CABP5: variants seen among roughly 807,000 people sequenced by gnomAD.
The protein encoded by CABP5 is calcium binding protein 5, also known as calcium-binding protein 5.
Under a neutral mutation model 21.9 loss-of-function variants are expected in CABP5, and 17 were observed. The ratio of observed to expected loss-of-function variants is 0.78; its 90% CI spans 0.53 to 1.17. The LOEUF (loss-of-function observed/expected upper bound fraction) is 1.17, where lower values mean the gene tolerates loss of function less well. Ranked by LOEUF, CABP5 falls within the 50% of genes most tolerant of loss-of-function variation. The probability of loss-of-function intolerance (pLI) is 0.00; values close to 1 mark genes in which losing one functional copy is unlikely to be tolerated. For missense variants in CABP5, 229 were observed against 228.9 expected (o/e 1.00, Z 0.00); for synonymous variants, 85 against 79.4 (o/e 1.07, Z -0.37).
At chr19:48,041,791 C>T (rs1408279247) in intron 1 of CABP5, among the ~76,000 whole-genome samples, 188 bp from the exon 2 acceptor site, 1 of 152,050 alleles carries the variant, frequency 6.6e-6, no homozygotes, top group East Asian at 1.9e-4. Flanking sequence ...GCTCCCCACC[C>T]CCCTCTCGAT....
intron 5 of CABP5, among the ~76,000 whole-genome samples, chr19:48,033,036 C>A (rs1401351299): frequency 3.8e-5 from 5 of 130,464 alleles, no homozygotes; most frequent in African/African-American, 1.4e-4. Context: ...TTTTTTTGGA[C>A]GGAGTGTTGC....
In CABP5 at chr19:48,030,597, A is replaced by T; in HGVS notation, c.497-15T>A. 1 of 1,613,216 alleles carries T rather than the reference A, an allele frequency of 6.2e-7. No homozygotes were observed. Among genetic ancestry groups the T allele is most frequent in the Non-Finnish European group, 8.5e-7 (1 of 1,179,706 alleles). On this transcript the variant is annotated splice_polypyrimidine_tract_variant and intron_variant, in intron 5 of 5. Transcript: ENST00000293255. ...CTTCACAAACTCTGCAAAGAAAAAA[A>T]AAAATCCCCAGTAAGGCATCTCGTT...
At chr19:48,031,132 T>A (rs116267276) in intron 5 of CABP5, among the ~76,000 whole-genome samples, 27 of 152,312 alleles carry the variant, frequency 1.8e-4, no homozygotes, top group African/African-American at 6.5e-4. Flanking sequence ...TAATCTTGCA[T>A]GTAAATAAAA....
In CABP5 at chr19:48,043,881, T is replaced by A; in HGVS notation, c.42A>T (p.Lys14Asn). ...TCACCCGCTGTTTCTCAGCAATGCC[T>A]TTCCTCAAGAAGATGCAGGCGGGGC... ...PMGPACIFLRKGIAEKQRERP... is the reference protein window; with the variant it reads ...PMGPACIFLRNGIAEKQRERP... Residue 14 changes from lysine (K) to asparagine (N), a missense_variant, in exon 1 of 6, where the codon AAA becomes AAT. Coordinates refer to ENST00000293255, the MANE Select transcript of CABP5 (RefSeq NM_019855.5). 1 of 1,495,854 alleles carries A rather than the reference T, an allele frequency of 6.7e-7. No homozygotes were observed. The allele number at this position is 1,495,854 out of a possible 1,614,324, so 92.7% of individuals were successfully genotyped here. A position where few individuals can be genotyped will look rare whatever the true frequency, so the allele number is the denominator to read the frequency against.
intron 3 of CABP5, among the ~76,000 whole-genome samples, chr19:48,039,808 G>A (rs1211186602): frequency 7.4e-6 from 1 of 134,704 alleles, no homozygotes; most frequent in Non-Finnish European, 1.5e-5. Context: ...CTGCCTCCCG[G>A]GTTCAAGCGA....
At chr19:48,035,848 T>A (rs1050033579) in intron 4 of CABP5, among the ~76,000 whole-genome samples, 1 of 152,120 alleles carries the variant, frequency 6.6e-6, no homozygotes, top group Non-Finnish European at 1.5e-5. Flanking sequence ...TCATGGGACG[T>A]TGTCAGGATT....
chr19:48,036,574 G>A (rs1568413192), intron 4 of CABP5, among the ~76,000 whole-genome samples: 2 of 152,200 alleles, frequency 1.3e-5, no homozygotes, highest in Non-Finnish European at 2.9e-5. Context: ...ACGCAAGATA[G>A]GTTCTAGAGA....
At chr19:48,037,755 A>C (rs1164691526) in intron 4 of CABP5, among the ~76,000 whole-genome samples, 1 of 152,200 alleles carries the variant, frequency 6.6e-6, no homozygotes, top group African/African-American at 2.4e-5. Context: ...TTCATAAGGC[A>C]GTAAGTTCTA....
chr19:48,040,545 C>T, intron 3 of CABP5, 60 bp downstream of exon 3: 1 of 1,585,076 alleles, frequency 6.3e-7, no homozygotes, highest in Non-Finnish European at 8.6e-7. Flanking sequence ...CTACATCCTT[C>T]CCAATTCTGC....
intron 4 of CABP5, 103 bp downstream of exon 4, chr19:48,039,104 TG>T: frequency 2.5e-6 from 2 of 807,086 alleles, no homozygotes; most frequent in Non-Finnish European, 4.2e-6. Context: ...AAAAAAAAGG[TG>T]GGGGCCTGGT....
chr19:48,041,847 C>T (rs1967486146), intron 1 of CABP5, among the ~76,000 whole-genome samples: 2 of 152,132 alleles, frequency 1.3e-5, no homozygotes, highest in East Asian at 3.9e-4. Flanking sequence ...TTCTCCCTTT[C>T]TGAGACAAAC....
chr19:48,040,585 C>T lies in CABP5; in HGVS notation c.238+20G>A. 2 of 1,613,562 alleles carry T rather than the reference C, an allele frequency of 1.2e-6. No homozygotes were observed. Among genetic ancestry groups the T allele is most frequent in the Non-Finnish European group, 8.5e-7 (1 of 1,179,562 alleles). ...ATCCCTTCCCTAACCCCGGCCATCC[C>T]TCCCATTCCCTGGACTCACGGTTCA... On this transcript the variant is annotated intron_variant, in intron 3 of 5. Coordinates refer to ENST00000293255, the MANE Select transcript of CABP5 (RefSeq NM_019855.5).
In CABP5 at chr19:48,039,233, T is replaced by G. The variant is rs1967449395; in HGVS notation, c.323A>C (p.Gln108Pro). Residue 108 changes from glutamine (Q) to proline (P), a missense_variant, in exon 4 of 6, where the codon CAG becomes CCG. By Grantham distance (76) the Gln-to-Pro change is moderately conservative. Coordinates refer to ENST00000293255, the MANE Select transcript of CABP5 (RefSeq NM_019855.5). ...CTCCTTGAAGGCATCCCGCATCTCC[T>G]GGACACCGATCATCCCAGCTGTTTC... ...LAETAGMIGV[Q>P]EMRDAFKEFD... 4 of 1,614,070 alleles carry G rather than the reference T, an allele frequency of 2.5e-6. No homozygotes were observed. The highest frequency in any genetic ancestry group is 1.7e-5 in the Admixed American group (1 of 60,010).
At position 48,040,762 on chromosome 19, in the gene CABP5, G is replaced by T. The variant is rs1259680365; in HGVS notation, c.95-14C>A. The T allele has an allele frequency of 6.2e-7, 1 of 1,613,566 alleles. No homozygotes were observed. Among genetic ancestry groups the T allele is most frequent in the East Asian group, 2.2e-5 (1 of 44,866 alleles). ...CTTCCCGCAGCTCTGAAAGTTAAGA[G>T]AGAACTTTGGGGGAACTTGAAGCAG... On this transcript the variant is annotated splice_polypyrimidine_tract_variant and intron_variant, in intron 2 of 5. Transcript: ENST00000293255.
intron 1 of CABP5, among the ~76,000 whole-genome samples, chr19:48,042,136 G>A (rs1053277463): frequency 6.6e-6 from 1 of 152,130 alleles, no homozygotes; most frequent in African/African-American, 2.4e-5. Context: ...AAGGGAGGAA[G>A]GCATTCACCT....
intron 1 of CABP5, among the ~76,000 whole-genome samples, chr19:48,043,536 CCATCAT>C (rs1967510764): frequency 8.3e-6 from 1 of 120,676 alleles, no homozygotes; most frequent in Non-Finnish European, 1.7e-5. Context: ...ACCACCACCA[CCATCAT>C]CACCACCATT....
At chr19:48,031,068 C>A (rs1016120929) in intron 5 of CABP5, among the ~76,000 whole-genome samples, 1 of 152,198 alleles carries the variant, frequency 6.6e-6, no homozygotes, top group African/African-American at 2.4e-5. Flanking sequence ...TATGCTCCTA[C>A]TTCTGAAAGA....
At chr19:48,038,964 G>A (rs1234803648) in intron 4 of CABP5, among the ~76,000 whole-genome samples, 3 of 150,972 alleles carry the variant, frequency 2.0e-5, no homozygotes, top group Non-Finnish European at 4.4e-5. Flanking sequence ...GTTTGTGTGC[G>A]TGTTTTTGTT....
chr19:48,043,440 G>A (rs1790259685), intron 1 of CABP5, among the ~76,000 whole-genome samples: 1 of 147,624 alleles, frequency 6.8e-6, no homozygotes, highest in African/African-American at 2.5e-5. Flanking sequence ...ATAACATCAG[G>A]TGTGCAAATC....
Sources: allele counts gnomAD v4.1 joint callset (sites outside exome capture counted in the v4.1 genomes callset), GRCh38; gene constraint gnomAD v4.1.1; transcripts MANE v1.5; gene names NCBI Gene and HGNC (gene_info 2026-07-23, HGNC 2026-07-21).